NTM: variants seen among roughly 807,000 people sequenced by gnomAD.
NTM encodes neurotrimin.
NTM carries 13 observed loss-of-function variants against 42.1 expected under a neutral mutation model. That is an observed-to-expected ratio of 0.31 (90% CI 0.20 to 0.49). The LOEUF (loss-of-function observed/expected upper bound fraction) is 0.49. Ranked by LOEUF, NTM falls within the 20% of genes least tolerant of loss-of-function variation. NTM has a pLI of 0.99. For synonymous variants in NTM, 187 were observed against 179.2 expected, an observed-to-expected ratio of 1.04 and a Z score of -0.35; for missense variants, 373 against 452.8, an observed-to-expected ratio of 0.82 and a Z score of 1.60.
chr11:131,649,400 T>C (rs1206288017), intron 1 of NTM, among the ~76,000 whole-genome samples: 1 of 152,182 alleles, frequency 6.6e-6, no homozygotes, highest in Non-Finnish European at 1.5e-5. Flanking sequence ...TTGAACGGGA[T>C]AAAAAGTGGT....
chr11:132,236,988 T>C (rs1457739023), intron 4 of NTM, among the ~76,000 whole-genome samples: 1 of 150,408 alleles, frequency 6.6e-6, no homozygotes, highest in African/African-American at 2.5e-5. Context: ...AGTCTGGAAG[T>C]GCAGCAGCCC....
intron 3 of NTM, among the ~76,000 whole-genome samples, chr11:132,181,774 C>G (rs1328704065): frequency 6.6e-6 from 1 of 152,058 alleles, no homozygotes; most frequent in African/African-American, 2.4e-5. Flanking sequence ...TGCTGGACAT[C>G]CCAACAGGAG....
rs1345789442 is a variant in NTM at position 132,180,946 on chromosome 11, G to A, written c.401-31076G>A. Among the ~76,000 whole-genome samples the A allele has an allele frequency of 2.0e-5, 3 of 152,144 alleles. No individual in the cohort carries two copies. In the East Asian group the frequency reaches 5.8e-4, roughly 29 times the overall value. On this transcript the variant is annotated intron_variant, in intron 3 of 8. Coordinates refer to ENST00000683400, the MANE Select transcript of NTM (RefSeq NM_001352005.2). ...AAAGAAGAAAGAAGTGATCAATTTA[G>A]TTCATCATCATGTATGTAAAGTCAA...
At chr11:131,793,742 A>G (rs1476090470) in intron 1 of NTM, among the ~76,000 whole-genome samples, 1 of 152,096 alleles carries the variant, frequency 6.6e-6, no homozygotes, top group Non-Finnish European at 1.5e-5. Context: ...TCGGCATGCT[A>G]GTTAGAGGTC....
chr11:132,280,083 C>T (rs1002302568), intron 4 of NTM, among the ~76,000 whole-genome samples: 2 of 152,214 alleles, frequency 1.3e-5, no homozygotes, highest in South Asian at 2.1e-4. Context: ...TTTAAGTCAT[C>T]TCTGGACTAT....
chr11:132,211,971 T>A (rs1355048448), intron 3 of NTM, 51 bp from the exon 4 acceptor site: 2 of 1,581,500 alleles, frequency 1.3e-6, no homozygotes, highest in Non-Finnish European at 1.7e-6. Flanking sequence ...TTAAGACAAC[T>A]AAGAAATGTT....
At chr11:131,772,471 C>G (rs2086266035) in intron 1 of NTM, among the ~76,000 whole-genome samples, 1 of 152,196 alleles carries the variant, frequency 6.6e-6, no homozygotes, top group African/African-American at 2.4e-5. Flanking sequence ...GAGAGACCTT[C>G]TTCTGCTGGC....
At chr11:132,121,279 T>C (rs1364834050) in intron 2 of NTM, among the ~76,000 whole-genome samples, 1 of 152,142 alleles carries the variant, frequency 6.6e-6, no homozygotes. Flanking sequence ...AATGTCCTAC[T>C]CTTAAAATGC....
intron 2 of NTM, among the ~76,000 whole-genome samples, chr11:132,060,702 C>A (rs2080520963): frequency 6.6e-6 from 1 of 152,162 alleles, no homozygotes; most frequent in African/African-American, 2.4e-5. Context: ...GATTTGCAAT[C>A]TCTGTGCGGT....
intron 1 of NTM, among the ~76,000 whole-genome samples, chr11:131,471,923 A>T (rs990777842): frequency 2.6e-5 from 4 of 152,144 alleles, no homozygotes; most frequent in African/African-American, 9.7e-5. Context: ...AAAAATAAAA[A>T]TTTGCTTATG....
intron 2 of NTM, among the ~76,000 whole-genome samples, chr11:132,076,847 A>G (rs2058432507): frequency 1.3e-5 from 2 of 152,192 alleles, no homozygotes; most frequent in Admixed American, 6.5e-5. Flanking sequence ...CAAATTTATT[A>G]TATCTTATCA....
intron 2 of NTM, among the ~76,000 whole-genome samples, chr11:132,114,545 G>T (rs1013815362): frequency 1.4e-4 from 21 of 152,172 alleles, no homozygotes; most frequent in Non-Finnish European, 1.5e-5. Flanking sequence ...TTTGCTGCCT[G>T]CCTTCCTTCC....
chr11:132,180,701 A>G (rs1018423898), intron 3 of NTM, among the ~76,000 whole-genome samples: 1 of 152,106 alleles, frequency 6.6e-6, no homozygotes, highest in Non-Finnish European at 1.5e-5. Flanking sequence ...CAATCTAAGG[A>G]CCTGAGTTTC....
chr11:131,407,694 AAGGAGTCATGGGTC>A (rs1411835785), intron 1 of NTM, among the ~76,000 whole-genome samples: 1 of 152,148 alleles, frequency 6.6e-6, no homozygotes, highest in Non-Finnish European at 1.5e-5. Flanking sequence ...TATAAAGGGG[AAGGAGTCATGGGTC>A]AGAAAGAGTT....
At chr11:132,030,838 A>G (rs913599353) in intron 2 of NTM, among the ~76,000 whole-genome samples, 3 of 152,234 alleles carry the variant, frequency 2.0e-5, no homozygotes, top group Non-Finnish European at 4.4e-5. Flanking sequence ...AGCTAGTGCC[A>G]CAATAGTGCT....
intron 2 of NTM, among the ~76,000 whole-genome samples, chr11:132,052,331 T>C (rs2078967303): frequency 6.6e-6 from 1 of 152,178 alleles, no homozygotes; most frequent in African/African-American, 2.4e-5. Context: ...CATTCCGGCA[T>C]TCTCTCTAAG....
chr11:131,627,508 C>T (rs1406714951), intron 1 of NTM, among the ~76,000 whole-genome samples: 1 of 152,006 alleles, frequency 6.6e-6, no homozygotes, highest in East Asian at 1.9e-4. Flanking sequence ...ATCTCTAAGA[C>T]TATTGGAGAA....
intron 2 of NTM, among the ~76,000 whole-genome samples, chr11:131,923,388 T>G (rs2138283676): frequency 6.6e-6 from 1 of 152,334 alleles, no homozygotes; most frequent in East Asian, 1.9e-4. Context: ...TGAAATTATT[T>G]ATCTTTTACT....
At chr11:132,262,580 T>A (rs74612403) in intron 4 of NTM, among the ~76,000 whole-genome samples, 1 of 152,172 alleles carries the variant, frequency 6.6e-6, no homozygotes, top group Non-Finnish European at 1.5e-5. Flanking sequence ...TCTCTTTTTT[T>A]ATCTATTCTT....
Sources: gnomAD v4.1 joint callset for allele counts (sites outside exome capture counted in the v4.1 genomes callset) on GRCh38, gnomAD v4.1.1 for gene constraint, MANE v1.5 for transcripts, NCBI Gene and HGNC (gene_info 2026-07-23, HGNC 2026-07-21) for gene names.